Variants in AFAP1 observed in about 807,000 individuals in gnomAD.
AFAP1 encodes the protein actin filament-associated protein 1.
AFAP1 carries 75 observed loss-of-function variants against 93.9 expected under a neutral mutation model. The ratio of observed to expected loss-of-function variants is 0.80; its 90% CI spans 0.66 to 0.97. The LOEUF is 0.97. AFAP1 is among the 50% of genes least tolerant of loss of function. The probability of loss-of-function intolerance (pLI) is 0.00; values close to 1 mark genes in which losing one functional copy is unlikely to be tolerated. For synonymous variants in AFAP1, 517 were observed against 430.7 expected, an observed-to-expected ratio of 1.20 and a Z score of -2.48; for missense variants, 1,201 against 1,050.8, an observed-to-expected ratio of 1.14 and a Z score of -1.98.
At chr4:7,784,089 G>T (rs1717036735) in intron 12 of AFAP1, among the ~76,000 whole-genome samples, 1 of 151,984 alleles carries the variant, frequency 6.6e-6, no homozygotes, top group Admixed American at 6.5e-5. Flanking sequence ...CCACAGGCTG[G>T]TATGGTGCCA....
intron 1 of AFAP1, among the ~76,000 whole-genome samples, chr4:7,921,087 G>A (rs1398610168): frequency 6.6e-6 from 1 of 150,986 alleles, no homozygotes; most frequent in African/African-American, 2.4e-5. Flanking sequence ...CTAAATTCAG[G>A]TCCTGAGTGA....
intron 2 of AFAP1, among the ~76,000 whole-genome samples, chr4:7,869,247 G>C (rs1424953865): frequency 6.6e-6 from 1 of 151,866 alleles, no homozygotes; most frequent in East Asian, 1.9e-4. Flanking sequence ...AGGAGGAAGG[G>C]GAAGGGGTGT....
At chr4:7,809,583 C>T (rs557325534) in intron 9 of AFAP1, 31 bp downstream of exon 9, 21 of 1,600,628 alleles carry the variant, frequency 1.3e-5, no homozygotes, top group African/African-American at 4.0e-5. Flanking sequence ...CTTAGGTGCA[C>T]GCTGCTCGTC....
Position 7,909,748 on chromosome 4 carries a change from A to T in AFAP1, c.-3+29908T>A, listed in dbSNP as rs184169021. 8.8e-4 allele frequency among the ~76,000 whole-genome samples: 134 copies of T among 152,326 alleles called. 3 individuals are homozygous for T. Among genetic ancestry groups the T allele is most frequent in the Admixed American group, 8.8e-3 (134 of 15,308 alleles). ...TCAATTTTTACTGTATATCAGAACC[A>T]TCTGGGGGTTTTTAACAGAACTATA... On this transcript the variant is annotated intron_variant, in intron 1 of 17. Transcript: ENST00000420658.
rs759072554 is a variant in AFAP1, at chr4:7,819,091, CT to C, written c.806del (p.Lys269ArgfsTer34). Reference sequence around the variant, plus strand: ...GCGCCCTTACCTTCTCCAGTTCTGCCTTGTGCACCGGGGAGCTTGGTGGAGG... The same window carrying C: ...GCGCCCTTACCTTCTCCAGTTCTGCCTGTGCACCGGGGAGCTTGGTGGAGG... The part of the protein sequence containing the change: ...CPPPPSSPVH[K>X]AELEKKLSSE... On this transcript the variant is annotated frameshift_variant, in exon 7 of 18. Transcript: ENST00000420658. LOFTEE classifies it high-confidence loss of function. 1.2e-6 allele frequency: 2 copies of C among 1,612,958 alleles called. No homozygotes were observed. The highest frequency in any genetic ancestry group is 2.7e-5 in the African/African-American group (2 of 74,886).
intron 15 of AFAP1, chr4:7,773,986 A>ATC (rs1482928646): frequency 6.6e-6 from 1 of 152,420 alleles, no homozygotes; most frequent in Non-Finnish European, 1.5e-5. Context: ...GCTCTGAGGC[A>ATC]TCTGAAGCCC....
At chr4:7,853,961 G>A (rs189525666) in intron 4 of AFAP1, among the ~76,000 whole-genome samples, 9 of 152,292 alleles carry the variant, frequency 5.9e-5, no homozygotes, top group Non-Finnish European at 1.0e-4. Flanking sequence ...TGAAGGGGCC[G>A]TGACCTGCCA....
intron 1 of AFAP1, among the ~76,000 whole-genome samples, chr4:7,878,461 G>A (rs1717650003): frequency 6.6e-6 from 1 of 152,154 alleles, no homozygotes; most frequent in Non-Finnish European, 1.5e-5. Context: ...GCCCGACACA[G>A]GCTCTATCCT....
intron 1 of AFAP1, among the ~76,000 whole-genome samples, chr4:7,933,040 A>AAAAAG (rs1553858303): frequency 2.0e-4 from 24 of 118,878 alleles, no homozygotes; most frequent in Admixed American, 2.7e-4. Context: ...AAAAAAAAAA[A>AAAAAG]GGGGGGGGAT....
intron 1 of AFAP1, among the ~76,000 whole-genome samples, chr4:7,875,094 A>G (rs1238103178): frequency 6.6e-6 from 1 of 152,192 alleles, no homozygotes; most frequent in African/African-American, 2.4e-5. Flanking sequence ...TGTCAGTCAT[A>G]TAGGTCATGC....
Position 7,855,563 on chromosome 4 carries a change from A to G in AFAP1, c.237T>C (p.Ser79=), listed in dbSNP as rs780765234. ...AGGATGTTGGCAATGGTGGAGGCCC[A>G]CTGTCAGGAGGCTGAGGAAGAAAGG... is the stretch of plus-strand genomic sequence containing the variant. ...EIPQPWLPPD[S]GPPPLPTSSL... Residue 79 remains serine (S), a synonymous_variant, in exon 4 of 18, where the codon AGT becomes AGC. Coordinates refer to ENST00000420658, the MANE Select transcript of AFAP1 (RefSeq NM_001134647.2). The G allele has an allele frequency of 3.1e-6, 5 of 1,612,972 alleles. No homozygotes were observed. The East Asian group carries it at 1.1e-4, about 36-fold the overall frequency.
At position 7,800,436 on chromosome 4, in the gene AFAP1, T is replaced by C; in HGVS notation, c.1266+6A>G. ...TGTGGAGTACAGCCCCTGGGAAATA[T>C]CCTACCTCCAATACTGCAACCTCCT... On this transcript the variant is annotated splice_donor_region_variant and intron_variant, in intron 10 of 17. Transcript: ENST00000420658. 1.2e-6 allele frequency: 2 copies of C among 1,613,876 alleles called. No homozygotes were observed. Among genetic ancestry groups the C allele is most frequent in the Non-Finnish European group, 8.5e-7 (1 of 1,179,940 alleles).
chr4:7,818,881 C>T (rs1199313222), intron 7 of AFAP1, among the ~76,000 whole-genome samples, 195 bp downstream of exon 7: 1 of 152,232 alleles, frequency 6.6e-6, no homozygotes, highest in Non-Finnish European at 1.5e-5. Context: ...AGTAACAACA[C>T]TAACTACACA....
chr4:7,917,261 C>T (rs1720135380), intron 1 of AFAP1, among the ~76,000 whole-genome samples: 1 of 152,170 alleles, frequency 6.6e-6, no homozygotes. Context: ...TCAGGTCTCA[C>T]TGTATCGTCA....
rs111905104 is a variant in AFAP1, at chr4:7,813,170, A to G, written c.904+2848T>C. Among the ~76,000 whole-genome samples the G allele has an allele frequency of 1.8e-4, 28 of 152,338 alleles. 1 individual carries two copies. The highest frequency in any genetic ancestry group is 6.7e-4 in the African/African-American group (28 of 41,574). On this transcript the variant is annotated intron_variant, in intron 8 of 17. Coordinates refer to ENST00000420658, the MANE Select transcript of AFAP1 (RefSeq NM_001134647.2). ...TATGAGTTCAGGATTTTCTCTATGC[A>G]GCCCGCAGAGAAATGTGTCTGAGTT...
chr4:7,882,396 CTT>C (rs34705113), intron 1 of AFAP1, among the ~76,000 whole-genome samples: 6,241 of 147,508 alleles, frequency 0.042, 142 homozygotes, highest in Middle Eastern at 0.09. Flanking sequence ...TAACCAAATT[CTT>C]TTTTTTTTTT....
At chr4:7,802,778 C>T (rs1719171172) in intron 9 of AFAP1, among the ~76,000 whole-genome samples, 1 of 151,754 alleles carries the variant, frequency 6.6e-6, no homozygotes, top group Non-Finnish European at 1.5e-5. Context: ...GCCTCCCAAG[C>T]AGCTGGGACT....
At chr4:7,857,120 A>G (rs951933332) in intron 3 of AFAP1, among the ~76,000 whole-genome samples, 6 of 152,298 alleles carry the variant, frequency 3.9e-5, no homozygotes, top group South Asian at 2.1e-4. Context: ...TAGATTCTGT[A>G]AACAACCTGG....
chr4:7,785,469 T>G (rs1349392077), intron 12 of AFAP1, among the ~76,000 whole-genome samples: 1 of 152,220 alleles, frequency 6.6e-6, no homozygotes, highest in Non-Finnish European at 1.5e-5. Context: ...GTCATTCCTC[T>G]ATGTCATCAT....
Sources: allele counts gnomAD v4.1 joint callset (sites outside exome capture counted in the v4.1 genomes callset), GRCh38; gene constraint gnomAD v4.1.1; transcripts MANE v1.5; gene names NCBI Gene and HGNC (gene_info 2026-07-23, HGNC 2026-07-21).